FRRS1: variants seen among roughly 807,000 people sequenced by gnomAD.
The protein encoded by FRRS1 is ferric reductase 1.
FRRS1 carries 51 observed loss-of-function variants against 70.7 expected under a neutral mutation model. The ratio of observed to expected loss-of-function variants is 0.72; its 90% CI spans 0.58 to 0.91. FRRS1 has a LOEUF of 0.91. Among genes scored for constraint, FRRS1 ranks in the 40% least tolerant of loss-of-function variants. The pLI, the probability that FRRS1 is intolerant of heterozygous loss-of-function variation, is 0.00. For synonymous variants in FRRS1, 225 were observed against 238.7 expected (o/e 0.94, Z 0.53); for missense variants, 672 against 726.0 (o/e 0.93, Z 0.86).
At chr1:99,758,231 A>C (rs1424389872) in intron 1 of FRRS1, among the ~76,000 whole-genome samples, 1 of 152,248 alleles carries the variant, frequency 6.6e-6, no homozygotes, top group East Asian at 1.9e-4. Flanking sequence ...GCTTTGAAAC[A>C]AAAGGAAATG....
rs1241046564 is a variant in FRRS1, at chr1:99,730,798, T to C, written c.760-1050A>G. ...AGGAGAATGGCGTGAACCCGGGAGGTGGAGCTGGCAGTGAGCCGAGATCGC... is the reference window on the plus strand; with the variant it reads ...AGGAGAATGGCGTGAACCCGGGAGGCGGAGCTGGCAGTGAGCCGAGATCGC... On this transcript the variant is annotated intron_variant, in intron 7 of 16. Transcript: ENST00000646001. Among the ~76,000 whole-genome samples, 10 of 137,850 alleles carry C rather than the reference T, an allele frequency of 7.3e-5. No homozygotes were observed. In the South Asian group the frequency reaches 1.1e-3, roughly 16 times the overall value. 90.4% of individuals were successfully genotyped at this position (137,850 alleles called of 152,430 possible).
intron 12 of FRRS1, among the ~76,000 whole-genome samples, chr1:99,714,185 CTT>C (rs921323480): frequency 1.9e-4 from 26 of 140,514 alleles, no homozygotes; most frequent in Admixed American, 5.0e-4. Flanking sequence ...GTCTGGTTTA[CTT>C]TTTTTTTTTT....
intron 1 of FRRS1, among the ~76,000 whole-genome samples, chr1:99,752,650 C>T (rs1656628975): frequency 6.6e-6 from 1 of 152,190 alleles, no homozygotes. Flanking sequence ...GTGGCTCACA[C>T]CTGTAATCCC....
chr1:99,740,768 C>T, intron 6 of FRRS1, 25 bp downstream of exon 6: 1 of 1,550,146 alleles, frequency 6.5e-7, no homozygotes, highest in East Asian at 2.2e-5. Context: ...CCCATCTCTA[C>T]AGAGAAAATA....
At chr1:99,739,597 A>G (rs547698190) in intron 6 of FRRS1, among the ~76,000 whole-genome samples, 45 of 152,338 alleles carry the variant, frequency 3.0e-4, no homozygotes, top group Admixed American at 5.2e-4. Flanking sequence ...TGTCTTCTCT[A>G]TGTGAATAAA....
rs1359909151 is a variant in FRRS1 at position 99,704,566 on chromosome 1, T to C, written c.*4462A>G. 6.6e-6 allele frequency among the ~76,000 whole-genome samples: 1 copy of C among 152,126 alleles called. No homozygotes were observed. Among genetic ancestry groups the C allele is most frequent in the African/African-American group, 2.4e-5 (1 of 41,414 alleles). ...CTAAGTGAGGACAGGCACCCCTGCCTTCAGCGCCCAAATGTTGCATTTCCT... is the reference window on the plus strand; with the variant it reads ...CTAAGTGAGGACAGGCACCCCTGCCCTCAGCGCCCAAATGTTGCATTTCCT... On this transcript the variant is annotated 3_prime_UTR_variant, in exon 17 of 17. Coordinates refer to ENST00000646001, the MANE Select transcript of FRRS1 (RefSeq NM_001361041.2).
In FRRS1 at chr1:99,709,116, T is replaced by C; in HGVS notation, c.1691A>G (p.His564Arg). Residue 564 changes from histidine (H) to arginine (R), a missense_variant, in exon 17 of 17, where the codon CAT becomes CGT. Transcript: ENST00000646001. ...TGCCAACACTGCCTTTTTAAAAGCA[T>C]GACCCTGAAAGAAAAATTGAGATAT... ...QSFTAVETEG[H>R]AFKKAVLAIY... 6.2e-7 allele frequency: 1 copy of C among 1,612,040 alleles called. No homozygotes were observed. Among genetic ancestry groups the C allele is most frequent in the South Asian group, 1.1e-5 (1 of 90,650 alleles).
chr1:99,749,145 C>G (rs1165026500), intron 1 of FRRS1, 144 bp from the exon 2 acceptor site: 1 of 177,604 alleles, frequency 5.6e-6, no homozygotes, highest in East Asian at 1.7e-4. Flanking sequence ...AAGTGATTCT[C>G]TTGCCTCAGC....
chr1:99,753,248 C>A (rs1427053544), intron 1 of FRRS1, among the ~76,000 whole-genome samples: 1 of 146,114 alleles, frequency 6.8e-6, no homozygotes, highest in Non-Finnish European at 1.5e-5. Flanking sequence ...AGGCTGGGTG[C>A]GGTGGCTCAT....
intron 1 of FRRS1, among the ~76,000 whole-genome samples, chr1:99,761,953 C>T (rs1657129086): frequency 1.3e-5 from 2 of 152,158 alleles, no homozygotes; most frequent in African/African-American, 4.8e-5. Flanking sequence ...CTCAGAACAA[C>T]CTAGGGAACT....
intron 9 of FRRS1, among the ~76,000 whole-genome samples, chr1:99,724,356 T>A (rs1654979101): frequency 6.6e-6 from 1 of 152,236 alleles, no homozygotes; most frequent in Admixed American, 6.5e-5. Context: ...ATTTCCTCAT[T>A]GTGAATTACT....
intron 4 of FRRS1, among the ~76,000 whole-genome samples, chr1:99,743,005 GA>G (rs375715463): frequency 4.7e-5 from 7 of 149,592 alleles, no homozygotes; most frequent in Non-Finnish European, 8.9e-5. Flanking sequence ...GTAAATAAAT[GA>G]AAAAAAAATT....
chr1:99,762,901 TA>T (rs1488168196), intron 1 of FRRS1, among the ~76,000 whole-genome samples: 1 of 152,146 alleles, frequency 6.6e-6, no homozygotes, highest in Non-Finnish European at 1.5e-5. Context: ...TACATTTGTC[TA>T]GTGTTTTCCT....
At chr1:99,726,048 C>G (rs1655066127) in intron 9 of FRRS1, among the ~76,000 whole-genome samples, 1 of 152,200 alleles carries the variant, frequency 6.6e-6, no homozygotes, top group African/African-American at 2.4e-5. Context: ...GAATTGTAAT[C>G]TCCATGTGTT....
chr1:99,738,346 C>G, intron 6 of FRRS1, 78 bp from the exon 7 acceptor site: 1 of 1,021,956 alleles, frequency 9.8e-7, no homozygotes, highest in Non-Finnish European at 1.4e-6. Flanking sequence ...GAATAACTAC[C>G]TTCAAGTACG....
chr1:99,738,919 G>A (rs1237972720), intron 6 of FRRS1, among the ~76,000 whole-genome samples: 1 of 152,046 alleles, frequency 6.6e-6, no homozygotes, highest in Non-Finnish European at 1.5e-5. Context: ...AATATAAGAC[G>A]AAGAGTCTTA....
rs563938943 is a variant in FRRS1 at position 99,725,228 on chromosome 1, C to T, written c.1006+3265G>A. On this transcript the variant is annotated intron_variant, in intron 9 of 16. Coordinates refer to ENST00000646001, the MANE Select transcript of FRRS1 (RefSeq NM_001361041.2). ...CACCCACTGCTCACCTCCTGCTGTGCGGCCCAGTTCCTAACAGGTCACAGA... is the reference window on the plus strand; with the variant it reads ...CACCCACTGCTCACCTCCTGCTGTGTGGCCCAGTTCCTAACAGGTCACAGA... Among the ~76,000 whole-genome samples the T allele has an allele frequency of 6.3e-4, 96 of 152,296 alleles. No individual in the cohort carries two copies. The South Asian group carries it at 0.019, about 31-fold the overall frequency.
chr1:99,736,011 C>T (rs1655639802), intron 7 of FRRS1, among the ~76,000 whole-genome samples: 1 of 152,068 alleles, frequency 6.6e-6, no homozygotes, highest in African/African-American at 2.4e-5. Context: ...CTTAATGAAA[C>T]TATACATTCA....
chr1:99,766,571 G>A (rs546232835), intron 1 of FRRS1, 36 bp downstream of exon 1: 2 of 152,212 alleles, frequency 1.3e-5, no homozygotes, highest in African/African-American at 2.4e-5. Context: ...GCTTTACAAA[G>A]AGCTTTGACA....
Sources: gnomAD v4.1 joint callset for allele counts (sites outside exome capture counted in the v4.1 genomes callset) on GRCh38, gnomAD v4.1.1 for gene constraint, MANE v1.5 for transcripts, NCBI Gene and HGNC (gene_info 2026-07-23, HGNC 2026-07-21) for gene names.